OXCT1: variants seen among roughly 807,000 people sequenced by gnomAD.
OXCT1 encodes the protein 3-oxoacid CoA-transferase 1, also known as succinyl-CoA:3-ketoacid coenzyme A transferase 1, mitochondrial.
Under a neutral mutation model 69.6 loss-of-function variants are expected in OXCT1, and 27 were observed. That is an observed-to-expected ratio of 0.39 (90% CI 0.29 to 0.54). The LOEUF is 0.54. Ranked by LOEUF, OXCT1 falls within the 20% of genes least tolerant of loss-of-function variation. The pLI is 0.72. For missense variants in OXCT1, 437 were observed against 650.2 expected (o/e 0.67, Z 3.57); for synonymous variants, 202 against 217.8 (o/e 0.93, Z 0.64).
chr5:41,766,562 G>A (rs1744610199), intron 13 of OXCT1, among the ~76,000 whole-genome samples: 1 of 136,992 alleles, frequency 7.3e-6, no homozygotes, highest in Non-Finnish European at 1.6e-5. Flanking sequence ...ATATTACATT[G>A]TACTCCAAAA....
At chr5:41,842,243 G>T (rs2112406191) in intron 6 of OXCT1, among the ~76,000 whole-genome samples, 1 of 152,184 alleles carries the variant, frequency 6.6e-6, no homozygotes, top group Non-Finnish European at 1.5e-5. Context: ...ACACCAAAAG[G>T]ACTGAAGGAC....
chr5:41,846,978 T>G, intron 5 of OXCT1, among the ~76,000 whole-genome samples: 1 of 152,120 alleles, frequency 6.6e-6, no homozygotes, highest in Admixed American at 6.6e-5. Context: ...GATGGGGTTG[T>G]TTTTTTCTTG....
intron 16 of OXCT1, among the ~76,000 whole-genome samples, chr5:41,734,386 T>A (rs1172073044): frequency 6.6e-6 from 1 of 152,198 alleles, no homozygotes; most frequent in Non-Finnish European, 1.5e-5. Context: ...AAACACCTAT[T>A]TTACATAGCT....
At chr5:41,820,154 TAG>T (rs769980003) in intron 7 of OXCT1, among the ~76,000 whole-genome samples, 105 of 152,234 alleles carry the variant, frequency 6.9e-4, no homozygotes, top group Non-Finnish European at 1.2e-3. Flanking sequence ...ACAAAAGAAA[TAG>T]AGTCAATAAA....
chr5:41,817,257 A>C (rs1747293812), intron 7 of OXCT1, among the ~76,000 whole-genome samples: 1 of 152,162 alleles, frequency 6.6e-6, no homozygotes, highest in Non-Finnish European at 1.5e-5. Context: ...GTATGATATA[A>C]AGAAAGTACT....
Position 41,850,978 on chromosome 5 carries a change from C to T in OXCT1, c.415-799G>A, listed in dbSNP as rs370803373. 2.0e-5 allele frequency among the ~76,000 whole-genome samples: 3 copies of T among 152,260 alleles called. No homozygotes were observed. In the East Asian group the frequency reaches 5.8e-4, roughly 29 times the overall value. ...ACTGTGATAGACTTGTTACAACAGT[C>T]TTACTAGAAAACTGACTGGCTAGTC... On this transcript the variant is annotated intron_variant, in intron 4 of 16. Coordinates refer to ENST00000196371, the MANE Select transcript of OXCT1 (RefSeq NM_000436.4).
chr5:41,770,305 G>A (rs1239077563), intron 13 of OXCT1, among the ~76,000 whole-genome samples: 14 of 152,280 alleles, frequency 9.2e-5, no homozygotes, highest in East Asian at 5.8e-4. Flanking sequence ...AAAATAAAAT[G>A]TAAAATTAAA....
Position 41,731,463 on chromosome 5 carries a change from G to T in OXCT1, c.*266C>A. ...ATTTAGCATACATACCATATTCAGTGAAAATGCATTCAATATAATTACCTA... is the reference window on the plus strand; with the variant it reads ...ATTTAGCATACATACCATATTCAGTTAAAATGCATTCAATATAATTACCTA... On this transcript the variant is annotated 3_prime_UTR_variant, in exon 17 of 17. Transcript: ENST00000196371. The T allele has an allele frequency of 2.1e-6, 2 of 936,028 alleles. No individual in the cohort carries two copies. The highest frequency in any genetic ancestry group is 1.7e-5 in the African/African-American group (1 of 59,698). 58.0% of individuals were successfully genotyped at this position (936,028 alleles called of 1,614,324 possible). A position where few individuals can be genotyped will look rare whatever the true frequency, so the allele number is the denominator to read the frequency against.
At chr5:41,813,133 C>T (rs1475627497) in intron 7 of OXCT1, among the ~76,000 whole-genome samples, 1 of 152,046 alleles carries the variant, frequency 6.6e-6, no homozygotes, top group Non-Finnish European at 1.5e-5. Context: ...TGTAGTTTCA[C>T]AGAGCCTCTG....
intron 15 of OXCT1, among the ~76,000 whole-genome samples, chr5:41,747,445 C>T (rs995366933): frequency 6.6e-6 from 1 of 152,028 alleles, no homozygotes; most frequent in Non-Finnish European, 1.5e-5. Flanking sequence ...TGGCACTGTG[C>T]CAAGTGTTAG....
chr5:41,796,217 T>C (rs1359227903), intron 11 of OXCT1, among the ~76,000 whole-genome samples: 1 of 152,190 alleles, frequency 6.6e-6, no homozygotes, highest in Non-Finnish European at 1.5e-5. Flanking sequence ...TAAAATCACC[T>C]GACTCATATC....
At chr5:41,841,424 G>GGGGC in intron 6 of OXCT1, among the ~76,000 whole-genome samples, 1 of 152,270 alleles carries the variant, frequency 6.6e-6, no homozygotes, top group East Asian at 1.9e-4. Context: ...AGAATGGTCA[G>GGGGC]AGGCAAAGGA....
intron 1 of OXCT1, among the ~76,000 whole-genome samples, chr5:41,869,496 T>G (rs1167517991): frequency 1.3e-5 from 2 of 152,022 alleles, no homozygotes; most frequent in Non-Finnish European, 2.9e-5. Context: ...TGGGAATGCC[T>G]CCGGATACCA....
chr5:41,737,295 C>CAAAA (rs1742932843), intron 16 of OXCT1, among the ~76,000 whole-genome samples: 1 of 152,116 alleles, frequency 6.6e-6, no homozygotes, highest in Non-Finnish European at 1.5e-5. Context: ...TTGAGAGGGT[C>CAAAA]TACAGAGATA....
At chr5:41,859,982 A>T (rs1749663103) in intron 3 of OXCT1, among the ~76,000 whole-genome samples, 1 of 150,754 alleles carries the variant, frequency 6.6e-6, no homozygotes, top group Non-Finnish European at 1.5e-5. Flanking sequence ...TTGTCATAAC[A>T]GCATCTATTC....
chr5:41,862,807 G>C, intron 1 of OXCT1, 57 bp from the exon 2 acceptor site: 2 of 1,011,938 alleles, frequency 2.0e-6, no homozygotes, highest in Non-Finnish European at 3.1e-6. Flanking sequence ...TTTACTTTGT[G>C]TGTGTAGCAA....
intron 15 of OXCT1, among the ~76,000 whole-genome samples, chr5:41,744,739 T>C (rs1020554200): frequency 2.0e-5 from 3 of 152,100 alleles, no homozygotes; most frequent in Non-Finnish European, 2.9e-5. Context: ...GTTTTTGTCA[T>C]TGGTTCTGAC....
intron 11 of OXCT1, among the ~76,000 whole-genome samples, chr5:41,798,921 T>G (rs143278778): frequency 6.6e-6 from 1 of 152,186 alleles, no homozygotes; most frequent in Admixed American, 6.5e-5. Context: ...ACTCAGTCCC[T>G]AGCAATGTTA....
chr5:41,853,573 G>C lies in OXCT1; in HGVS notation c.279-19C>G. The C allele has an allele frequency of 6.2e-7, 1 of 1,612,814 alleles. No individual in the cohort carries two copies. Among genetic ancestry groups the C allele is most frequent in the East Asian group, 2.2e-5 (1 of 44,796 alleles). ...GTCAACCCTAGAAGGAAAATGAAGG[G>C]AGCTTACCAAAGAGCATCTGACAGA... On this transcript the variant is annotated intron_variant, in intron 3 of 16. Transcript: ENST00000196371.
Sources: allele counts gnomAD v4.1 joint callset (sites outside exome capture counted in the v4.1 genomes callset), GRCh38; gene constraint gnomAD v4.1.1; transcripts MANE v1.5; gene names NCBI Gene and HGNC (gene_info 2026-07-23, HGNC 2026-07-21).